The following AKT3 variants were observed in gnomAD, a reference collection of about 807,000 sequenced individuals.
AKT3 encodes the protein AKT serine/threonine kinase 3, also known as RAC-gamma serine/threonine-protein kinase.
Under a neutral mutation model 65.3 loss-of-function variants are expected in AKT3, and 15 were observed. The observed-to-expected ratio is 0.23, with a 90% CI of 0.15 to 0.35. The LOEUF is 0.35. Ranked by LOEUF, AKT3 falls within the 10% of genes least tolerant of loss-of-function variation. The probability of loss-of-function intolerance (pLI) is 1.00; values close to 1 mark genes in which losing one functional copy is unlikely to be tolerated. For synonymous variants in AKT3, 206 were observed against 183.8 expected, an observed-to-expected ratio of 1.12 and a Z score of -0.98; for missense variants, 243 against 576.5, an observed-to-expected ratio of 0.42 and a Z score of 5.92.
At chr1:243,585,859 G>A (rs1396471536) in intron 8 of AKT3, among the ~76,000 whole-genome samples, 1 of 152,120 alleles carries the variant, frequency 6.6e-6, no homozygotes, top group Non-Finnish European at 1.5e-5. Flanking sequence ...GTCCTCGATA[G>A]CAATTGAACA....
intron 12 of AKT3, among the ~76,000 whole-genome samples, chr1:243,523,822 A>G (rs541664855): frequency 1.3e-5 from 2 of 152,328 alleles, no homozygotes; most frequent in South Asian, 4.1e-4. Context: ...ACTAAACTGT[A>G]AGCAACCGTT....
At chr1:243,752,405 G>A (rs1424369514) in intron 2 of AKT3, among the ~76,000 whole-genome samples, 1 of 152,102 alleles carries the variant, frequency 6.6e-6, no homozygotes, top group Non-Finnish European at 1.5e-5. Context: ...TGTGGTCGAT[G>A]CTATAAATGT....
intron 2 of AKT3, among the ~76,000 whole-genome samples, chr1:243,827,653 T>C (rs4313380): frequency 0.78 from 118,858 of 152,002 alleles, 47,415 homozygotes; most frequent in Non-Finnish European, 0.86. Context: ...GACTATTTGG[T>C]CTTACCCAAT....
chr1:243,656,771 G>A (rs777796334), intron 4 of AKT3, among the ~76,000 whole-genome samples: 2 of 152,244 alleles, frequency 1.3e-5, no homozygotes, highest in Non-Finnish European at 2.9e-5. Flanking sequence ...GTCTCTGTAT[G>A]TGAGTGTGAG....
intron 8 of AKT3, among the ~76,000 whole-genome samples, chr1:243,607,391 G>A (rs994977962): frequency 6.6e-6 from 1 of 152,226 alleles, no homozygotes; most frequent in Non-Finnish European, 1.5e-5. Flanking sequence ...CAGACACGGA[G>A]TTAAAGGAGA....
At chr1:243,848,933 G>T (rs186410557) in intron 1 of AKT3, among the ~76,000 whole-genome samples, 1 of 152,326 alleles carries the variant, frequency 6.6e-6, no homozygotes, top group East Asian at 1.9e-4. Flanking sequence ...GAAGAAATGT[G>T]AGCATCCCAG....
At chr1:243,594,120 A>C (rs1178375518) in intron 8 of AKT3, among the ~76,000 whole-genome samples, 1 of 152,232 alleles carries the variant, frequency 6.6e-6, no homozygotes, top group Admixed American at 6.5e-5. Context: ...ATACAAGGTT[A>C]ATATATAAAA....
intron 2 of AKT3, among the ~76,000 whole-genome samples, chr1:243,838,931 G>T (rs1695066760): frequency 6.6e-6 from 1 of 152,118 alleles, no homozygotes; most frequent in Non-Finnish European, 1.5e-5. Flanking sequence ...AGTAACACGA[G>T]CATGGAACAT....
chr1:243,563,930 T>A, intron 9 of AKT3, 82 bp from the exon 10 acceptor site: 2 of 1,371,356 alleles, frequency 1.5e-6, no homozygotes, highest in Non-Finnish European at 2.0e-6. Flanking sequence ...TACTGAATGC[T>A]GAGTAAGGTA....
intron 8 of AKT3, among the ~76,000 whole-genome samples, chr1:243,595,554 G>T (rs1228446753): frequency 2.6e-5 from 4 of 151,992 alleles, no homozygotes; most frequent in African/African-American, 7.2e-5. Context: ...TGAACACATT[G>T]TACAGCTATA....
Position 243,614,937 on chromosome 1 carries a change from C to A in AKT3, c.627+159G>T, listed in dbSNP as rs73122387. On this transcript the variant is annotated intron_variant, in intron 7 of 13. Transcript: ENST00000673466. ...ATCAATGCATACACACTGTAAAAAT[C>A]CATACATTCTAATAAGTTATAAGAA... Among the ~76,000 whole-genome samples, 2,558 of 152,098 alleles carry A rather than the reference C, an allele frequency of 0.017. 77 individuals are homozygous for A. Among genetic ancestry groups the A allele is most frequent in the African/African-American group, 0.057 (2,383 of 41,520 alleles).
At chr1:243,753,377 G>T (rs1386773707) in intron 2 of AKT3, among the ~76,000 whole-genome samples, 1 of 152,060 alleles carries the variant, frequency 6.6e-6, no homozygotes, top group Non-Finnish European at 1.5e-5. Context: ...AAAAGCGTAC[G>T]ATTTTTCACT....
At chr1:243,809,622 A>G (rs1480011482) in intron 2 of AKT3, among the ~76,000 whole-genome samples, 1 of 152,182 alleles carries the variant, frequency 6.6e-6, no homozygotes, top group African/African-American at 2.4e-5. Context: ...TAGACAGATC[A>G]ACAAGACAGA....
At chr1:243,519,731 C>T (rs1326197507) in intron 12 of AKT3, among the ~76,000 whole-genome samples, 1 of 152,040 alleles carries the variant, frequency 6.6e-6, no homozygotes, top group African/African-American at 2.4e-5. Flanking sequence ...ATTAGGCATC[C>T]ACCTTACAGT....
intron 2 of AKT3, among the ~76,000 whole-genome samples, chr1:243,781,210 T>C (rs1690890765): frequency 6.6e-6 from 1 of 152,162 alleles, no homozygotes; most frequent in Admixed American, 6.5e-5. Context: ...AAGTTAACCG[T>C]AGACATTCTT....
intron 4 of AKT3, among the ~76,000 whole-genome samples, chr1:243,660,645 T>G (rs1013565782): frequency 1.3e-5 from 2 of 152,194 alleles, no homozygotes; most frequent in Non-Finnish European, 2.9e-5. Flanking sequence ...CTTTGAAAAC[T>G]GGCACAAGAC....
intron 2 of AKT3, among the ~76,000 whole-genome samples, chr1:243,724,008 T>C (rs2148122499): frequency 6.6e-6 from 1 of 152,320 alleles, no homozygotes; most frequent in African/African-American, 2.4e-5. Context: ...TCATTTAAAA[T>C]GCATTCCTAT....
chr1:243,489,349 C>T (rs1467351905), intron 13 of AKT3, among the ~76,000 whole-genome samples: 3 of 152,194 alleles, frequency 2.0e-5, no homozygotes, highest in African/African-American at 7.2e-5. Context: ...AAAGTCCGTG[C>T]AGGTGAACAG....
In AKT3 at chr1:243,639,154, G is replaced by T. The variant is rs140036562; in HGVS notation, c.430-1412C>A. Among the ~76,000 whole-genome samples the T allele has an allele frequency of 7.2e-3, 1,100 of 152,214 alleles. 17 individuals are homozygous for T. Among genetic ancestry groups the T allele is most frequent in the Non-Finnish European group, 8.0e-3 (543 of 67,996 alleles). On this transcript the variant is annotated intron_variant, in intron 5 of 13. Coordinates refer to ENST00000673466, the MANE Select transcript of AKT3 (RefSeq NM_005465.7). Reference sequence around the variant, plus strand: ...GATGAAATGAACAAATTGCTTGAAAGTCTCAAGCTTTGAAAGCTCTTTCTT... The same window carrying T: ...GATGAAATGAACAAATTGCTTGAAATTCTCAAGCTTTGAAAGCTCTTTCTT...
Sources: gnomAD v4.1 joint callset for allele counts (sites outside exome capture counted in the v4.1 genomes callset) on GRCh38, gnomAD v4.1.1 for gene constraint, MANE v1.5 for transcripts, NCBI Gene and HGNC (gene_info 2026-07-23, HGNC 2026-07-21) for gene names.